Variants in STK24 observed in about 807,000 individuals in gnomAD.
STK24 encodes the protein serine/threonine-protein kinase 24.
A neutral mutation model predicts 55.6 loss-of-function variants in STK24; 21 were observed. That is an observed-to-expected ratio of 0.38 (90% CI 0.27 to 0.54). The LOEUF (loss-of-function observed/expected upper bound fraction) is 0.54, where lower values mean the gene tolerates loss of function less well. STK24 is among the 20% of genes least tolerant of loss of function. The pLI, the probability that STK24 is intolerant of heterozygous loss-of-function variation, is 0.79. For synonymous variants in STK24, 200 were observed against 215.2 expected, an observed-to-expected ratio of 0.93 and a Z score of 0.62; for missense variants, 383 against 538.4, an observed-to-expected ratio of 0.71 and a Z score of 2.86.
rs1354200625 is a variant in STK24 at position 98,446,026 on chromosome 13, G to GGGA, written c.*7144_*7146dup. On this transcript the variant is annotated 3_prime_UTR_variant, in exon 11 of 11. Transcript: ENST00000539966. ...TGCCCCAGCCCAGGGCCCTGGTGCA[G>GGGA]GGAGAGCTGCTCTCTGTGCCCTCCT... 1 of 1,028,438 alleles carries GGGA rather than the reference G, an allele frequency of 9.7e-7. No homozygotes were observed. The highest frequency in any genetic ancestry group is 2.4e-5 in the East Asian group (1 of 41,778). The allele number at this position is 1,028,438 out of a possible 1,614,324, so 63.7% of individuals were successfully genotyped here.
chr13:98,463,916 T>G, intron 6 of STK24, 80 bp from the exon 7 acceptor site: 1 of 1,505,946 alleles, frequency 6.6e-7, no homozygotes, highest in South Asian at 1.2e-5. Flanking sequence ...TGCCTCAAAA[T>G]GTCAACCGCC....
chr13:98,500,578 G>T (rs78872730), intron 2 of STK24, among the ~76,000 whole-genome samples: 2,301 of 152,048 alleles, frequency 0.015, 78 homozygotes, highest in African/African-American at 0.052. Flanking sequence ...TCAAAGAATG[G>T]GACTCCTATG....
At chr13:98,453,638 G>C (rs9517313) in intron 10 of STK24, 45,925 of 157,358 alleles carry the variant, frequency 0.29, 8,009 homozygotes, top group East Asian at 0.42. Context: ...CTATTTCCTA[G>C]AACTGCTTCC....
chr13:98,564,592 C>T (rs2139456907), intron 1 of STK24, among the ~76,000 whole-genome samples: 1 of 152,320 alleles, frequency 6.6e-6, no homozygotes, highest in Admixed American at 6.5e-5. Context: ...GCGTCTACAT[C>T]TGATCAGGAA....
At chr13:98,522,165 T>C (rs1896285829) in intron 1 of STK24, 4 of 931,260 alleles carry the variant, frequency 4.3e-6, no homozygotes, top group South Asian at 4.9e-5. Flanking sequence ...TCTGGGTAAC[T>C]TTCCAGTCCT....
Position 98,460,437 on chromosome 13 carries a change from T to G in STK24, c.1057A>C (p.Lys353Gln). 1 of 1,613,106 alleles carries G rather than the reference T, an allele frequency of 6.2e-7. No homozygotes were observed. The highest frequency in any genetic ancestry group is 8.5e-7 in the Non-Finnish European group (1 of 1,179,254). The change falls in exon 9 of 11, where the codon AAA (lysine) becomes CAA (glutamine). Residue 353 changes from lysine to glutamine, a missense_variant. Transcript: ENST00000539966. ...GAGAAAGGCCTCTTCGGGATGTCTT[T>G]CATCTTGGGGGAGAGGGAAAAAAAG... is the stretch of plus-strand genomic sequence containing the variant. ...QPSDLDRNKM[K>Q]DIPKRPFSQC... is the part of the protein sequence containing the mutation.
intron 1 of STK24, among the ~76,000 whole-genome samples, chr13:98,571,878 C>T (rs1191261593): frequency 6.6e-6 from 1 of 152,190 alleles, no homozygotes; most frequent in African/African-American, 2.4e-5. Flanking sequence ...GCTTCCTCTT[C>T]CCTGAAGTGC....
intron 2 of STK24, among the ~76,000 whole-genome samples, chr13:98,506,725 A>T (rs1171644956): frequency 1.3e-5 from 2 of 152,244 alleles, no homozygotes; most frequent in Non-Finnish European, 2.9e-5. Flanking sequence ...TACAGAGGTG[A>T]GCATCGGCGA....
At chr13:98,463,963 G>A in intron 6 of STK24, 127 bp from the exon 7 acceptor site, 1 of 1,123,590 alleles carries the variant, frequency 8.9e-7, no homozygotes, top group South Asian at 1.5e-5. Context: ...CTACTCCACA[G>A]CGCTTCTCAC....
chr13:98,482,369 A>G (rs1481346609), intron 2 of STK24, 48 bp from the exon 3 acceptor site: 1 of 1,216,384 alleles, frequency 8.2e-7, no homozygotes, highest in Admixed American at 2.3e-5. Flanking sequence ...TGAATCCAGG[A>G]AAATTTTTTT....
Position 98,469,534 on chromosome 13 carries a change from T to TCCC in STK24, c.598-2976_598-2974dup, listed in dbSNP as rs1555302507. ...CTGGGTGACAGAGCAAGACCCTGCATCCCCCCCCCCAAAAAAAAAAGGCGG... is the reference window on the plus strand; with the variant it reads ...CTGGGTGACAGAGCAAGACCCTGCATCCCCCCCCCCCCCAAAAAAAAAAGGCGG... On this transcript the variant is annotated intron_variant, in intron 5 of 10. Coordinates refer to ENST00000539966, the MANE Select transcript of STK24 (RefSeq NM_001032296.4). Among the ~76,000 whole-genome samples the TCCC allele has an allele frequency of 5.8e-3, 734 of 126,236 alleles. 5 individuals carry two copies. Among genetic ancestry groups the TCCC allele is most frequent in the African/African-American group, 0.018 (648 of 35,678 alleles). The allele number at this position is 126,236 out of a possible 152,430, so 82.8% of individuals were successfully genotyped here.
At chr13:98,496,676 C>T (rs1895263192) in intron 2 of STK24, among the ~76,000 whole-genome samples, 2 of 152,212 alleles carry the variant, frequency 1.3e-5, no homozygotes, top group Admixed American at 6.5e-5. Flanking sequence ...AAATGAGCTG[C>T]ACATGTGATC....
chr13:98,463,883 T>A (rs771329839), intron 6 of STK24, 47 bp from the exon 7 acceptor site: 1 of 1,596,890 alleles, frequency 6.3e-7, no homozygotes, highest in Non-Finnish European at 8.6e-7. Context: ...AAGTTCTTGG[T>A]CCTACCCCAA....
At chr13:98,508,468 T>C (rs1024086508) in intron 2 of STK24, among the ~76,000 whole-genome samples, 19 of 152,124 alleles carry the variant, frequency 1.2e-4, no homozygotes, top group African/African-American at 3.9e-4. Flanking sequence ...CCTTTCAGGG[T>C]CAGCAGAAAA....
chr13:98,543,110 G>C (rs973444035), intron 1 of STK24: 121 of 691,302 alleles, frequency 1.8e-4, no homozygotes, highest in Non-Finnish European at 2.1e-4. Flanking sequence ...GCTGGGAGGA[G>C]ACCAGTCATG....
chr13:98,511,991 T>A (rs1266368832), intron 2 of STK24, among the ~76,000 whole-genome samples: 1 of 151,672 alleles, frequency 6.6e-6, no homozygotes, highest in Non-Finnish European at 1.5e-5. Context: ...TTCAAGCGAT[T>A]CTCGTGCCTC....
intron 1 of STK24, among the ~76,000 whole-genome samples, chr13:98,529,098 T>TGGCGCTACCACCC (rs1896510733): frequency 6.6e-6 from 1 of 152,158 alleles, no homozygotes; most frequent in Admixed American, 6.5e-5. Context: ...TTGGCCTGTC[T>TGGCGCTACCACCC]GGCGCTACCA....
In STK24 at chr13:98,476,467, C is replaced by A. The variant is rs75690300; in HGVS notation, c.331-1109G>T. 6.7e-3 allele frequency among the ~76,000 whole-genome samples: 1,023 copies of A among 152,330 alleles called. 8 individuals are homozygous for A. Among genetic ancestry groups the A allele is most frequent in the African/African-American group, 0.022 (922 of 41,572 alleles). On this transcript the variant is annotated intron_variant, in intron 3 of 10. Transcript: ENST00000539966. ...GCCCACACCCACACATTTTAGCCAA[C>A]AGGAAGATACAATCTGGGGCCTTTC...
chr13:98,479,486 C>A (rs964170536), intron 3 of STK24, among the ~76,000 whole-genome samples: 1 of 152,188 alleles, frequency 6.6e-6, no homozygotes, highest in African/African-American at 2.4e-5. Flanking sequence ...AAGGGATGCA[C>A]CCCTGCCAGC....
Sources: allele counts gnomAD v4.1 joint callset (sites outside exome capture counted in the v4.1 genomes callset), GRCh38; gene constraint gnomAD v4.1.1; transcripts MANE v1.5; gene names NCBI Gene and HGNC (gene_info 2026-07-23, HGNC 2026-07-21).